Variants in SUSD2 observed in about 807,000 individuals in gnomAD.
SUSD2 encodes sushi domain containing 2, also known as sushi domain-containing protein 2.
A neutral mutation model predicts 93.8 loss-of-function variants in SUSD2; 86 were observed. The observed-to-expected ratio is 0.92, with a 90% CI of 0.77 to 1.10. The LOEUF is 1.10. SUSD2 is among the 50% of genes least tolerant of loss of function. The pLI is 0.00. For missense variants in SUSD2, 1,060 were observed against 1,137.0 expected (o/e 0.93, Z 0.97); for synonymous variants, 483 against 485.0 (o/e 1.00, Z 0.05).
chr22:24,188,415 C>T lies in SUSD2; in HGVS notation c.2448C>T (p.His816=), dbSNP rs773560751. The part of the protein sequence containing the change: ...VLLRRRKGNT[H]VWGAQP ...TCTAACTGCGTTTCTGTTGCAGGCA[C>T]GTCTGGGGTGCACAGCCCTGATGGG... Residue 816 remains histidine (H), a synonymous_variant, in exon 15 of 15, where the codon CAC becomes CAT. Coordinates refer to ENST00000358321, the MANE Select transcript of SUSD2 (RefSeq NM_019601.4). This position sits in a 1 kb window ranked among gnomAD's most constrained non-coding sequence, Gnocchi z 4.7. 2.1e-5 allele frequency: 34 copies of T among 1,611,250 alleles called. No individual in the cohort carries two copies. Among genetic ancestry groups the T allele is most frequent in the African/African-American group, 1.3e-4 (10 of 74,860 alleles).
rs753229163 is a variant in SUSD2, at chr22:24,187,422, C to A, written c.1863C>A (p.Pro621=). ...GCGTCCTGCCCCCAGGCACCAGTCC[C>A]CAGGAGCTGTTCCTGTTTGGGGCCA... ...SGRVLPPGTS[P]QELFLFGANW... is the part of the protein sequence containing the mutation. Residue 621 remains proline, a synonymous_variant, in exon 11 of 15, where the codon CCC becomes CCA. Coordinates refer to ENST00000358321, the MANE Select transcript of SUSD2 (RefSeq NM_019601.4). 6.2e-7 allele frequency: 1 copy of A among 1,613,388 alleles called. No individual in the cohort carries two copies. Among genetic ancestry groups the A allele is most frequent in the Non-Finnish European group, 8.5e-7 (1 of 1,179,996 alleles).
intron 1 of SUSD2, 120 bp from the exon 2 acceptor site, chr22:24,182,937 C>G: frequency 1.2e-6 from 1 of 803,538 alleles, no homozygotes; most frequent in Non-Finnish European, 2.0e-6. Flanking sequence ...AGTTCCTGGC[C>G]AGCGTTCTCC....
intron 4 of SUSD2, 100 bp downstream of exon 4, chr22:24,184,403 G>A (rs1267417453): frequency 6.9e-6 from 9 of 1,311,432 alleles, no homozygotes; most frequent in Non-Finnish European, 9.4e-6. Context: ...GAGTTTCCAG[G>A]TGGGGTTGAG....
In SUSD2 at chr22:24,185,146, G is replaced by T. The variant is rs763053320; in HGVS notation, c.835G>T (p.Asp279Tyr). ...CCACGCACTGGCCTGGCACCTGAGC[G>T]ATGACTTCCGAGAGGACCCTGTGGC... ...NDHALAWHLS[D>Y]DFREDPVAWA... Residue 279 changes from aspartate (D) to tyrosine (Y), a missense_variant, in exon 6 of 15, where the codon GAT (aspartate) becomes TAT (tyrosine). Around this residue, in one of 2 missense-constraint regions of SUSD2, gnomAD observed 973 missense variants for 1,005.3 expected, o/e 0.97. Transcript: ENST00000358321. 6.2e-7 allele frequency: 1 copy of T among 1,612,730 alleles called. No individual in the cohort carries two copies. Among genetic ancestry groups the T allele is most frequent in the South Asian group, 1.1e-5 (1 of 91,078 alleles).
chr22:24,183,351 G>A, intron 2 of SUSD2, 84 bp downstream of exon 2: 1 of 1,547,380 alleles, frequency 6.5e-7, no homozygotes, highest in Non-Finnish European at 8.8e-7. Flanking sequence ...CTGACTGGCT[G>A]AGTGGAGCCC....
rs762302318 is a variant in SUSD2 at position 24,183,216 on chromosome 22, T to C, written c.236T>C (p.Val79Ala). The change falls in exon 2 of 15, where the codon GTG (valine) becomes GCG (alanine). Residue 79 changes from valine (V) to alanine (A), a missense_variant. This residue lies in a region of SUSD2 where 87 missense variants were observed against 131.6 expected (regional missense o/e 0.66). Coordinates refer to ENST00000358321, the MANE Select transcript of SUSD2 (RefSeq NM_019601.4). ...SGSMMGGKDF[V>A]VRHFKMSSPT... is the part of the protein sequence containing the mutation. ...TCCATGATGGGCGGCAAGGACTTTG[T>C]GGTGCGGCACTTCAAGATGTCCAGC... The C allele has an allele frequency of 6.2e-7, 1 of 1,613,910 alleles. No individual in the cohort carries two copies. Among genetic ancestry groups the C allele is most frequent in the South Asian group, 1.1e-5 (1 of 91,074 alleles).
chr22:24,185,954 C>A, intron 8 of SUSD2, 25 bp downstream of exon 8: 2 of 1,573,190 alleles, frequency 1.3e-6, no homozygotes, highest in Middle Eastern at 1.7e-4. Context: ...GTGCCCCAGA[C>A]CCTGGGAAAG....
rs979288015 is a variant in SUSD2 at position 24,186,589 on chromosome 22, G to A, written c.1642+174G>A. 21 of 729,512 alleles carry A rather than the reference G, an allele frequency of 2.9e-5. No individual in the cohort carries two copies. In the Middle Eastern group the frequency reaches 1.2e-3, roughly 41 times the overall value. 45.2% of individuals were successfully genotyped at this position (729,512 alleles called of 1,614,324 possible). A position where few individuals can be genotyped will look rare whatever the true frequency, so the allele number is the denominator to read the frequency against. On this transcript the variant is annotated intron_variant, in intron 10 of 14. Transcript: ENST00000358321. ...GAGGTGCCCCCGTCGTACCCACCTG[G>A]TCAAAAGCCGAGAGGCCGTGACGGT...
intron 9 of SUSD2, 46 bp from the exon 10 acceptor site, chr22:24,186,211 G>C: frequency 6.2e-7 from 1 of 1,610,184 alleles, no homozygotes. Flanking sequence ...GAACCAAGGT[G>C]GGAGGCTGGA....
In SUSD2 at chr22:24,185,688, C is replaced by G. The variant is rs1355219318; in HGVS notation, c.1098C>G (p.Cys366Trp). The G allele has an allele frequency of 6.2e-7, 1 of 1,610,906 alleles. No homozygotes were observed. The highest frequency in any genetic ancestry group is 8.5e-7 in the Non-Finnish European group (1 of 1,179,278). Reference sequence around the variant, plus strand: ...TCCGGTACGGCTCAGGTCAGCAGTGCTGCTACACAGCGGACGGGACGCAGC... The same window carrying G: ...TCCGGTACGGCTCAGGTCAGCAGTGGTGCTACACAGCGGACGGGACGCAGC... The part of the protein sequence containing the change: ...ASLRYGSGQQ[C>W]CYTADGTQLL... Residue 366 changes from cysteine (C) to tryptophan (W), a missense_variant, in exon 8 of 15, where the codon TGC (cysteine) becomes TGG (tryptophan). By Grantham distance (215) the Cys-to-Trp change is radical (BLOSUM62 -2). Coordinates refer to ENST00000358321, the MANE Select transcript of SUSD2 (RefSeq NM_019601.4).
chr22:24,183,623 C>T lies in SUSD2; in HGVS notation c.416C>T (p.Pro139Leu). Reference protein sequence around the residue: ...TVSLDNGHSFPRAGTWLAVHP... With the variant: ...TVSLDNGHSFLRAGTWLAVHP... ...TCACTGGACAACGGCCACTCCTTCC[C>T]TCGTGCGGGCACCTGGCTGGCTGGT... The change falls in exon 3 of 15, where the codon CCT becomes CTT. Residue 139 changes from proline (P) to leucine (L), a missense_variant. Pro to Leu is a moderately conservative substitution (Grantham distance 98). Transcript: ENST00000358321. 1 of 1,612,450 alleles carries T rather than the reference C, an allele frequency of 6.2e-7. No homozygotes were observed. Among genetic ancestry groups the T allele is most frequent in the Non-Finnish European group, 8.5e-7 (1 of 1,179,966 alleles).
rs772062351 is a variant in SUSD2, at chr22:24,187,392, C to T, written c.1833C>T (p.Ser611=). The change falls in exon 11 of 15, where the codon AGC becomes AGT. Residue 611 remains serine, a synonymous_variant. Transcript: ENST00000358321. Reference sequence around the variant, plus strand: ...CCACCGACGACTTCACCCTGCACAGCGGGCGCGTCCTGCCCCCAGGCACCA... The same window carrying T: ...CCACCGACGACTTCACCCTGCACAGTGGGCGCGTCCTGCCCCCAGGCACCA... ...NDPTDDFTLH[S]GRVLPPGTSP... is the part of the protein sequence containing the mutation. 22 of 1,613,644 alleles carry T rather than the reference C, an allele frequency of 1.4e-5. No homozygotes were observed. The highest frequency in any genetic ancestry group is 6.7e-5 in the East Asian group (3 of 44,878).
rs936971496 is a variant in SUSD2, at chr22:24,187,566, TCCAGGGA to T, written c.1892-2_1896del. 1 of 1,608,920 alleles carries T rather than the reference TCCAGGGA, an allele frequency of 6.2e-7. No individual in the cohort carries two copies. Among genetic ancestry groups the T allele is most frequent in the African/African-American group, 1.3e-5 (1 of 74,800 alleles). On this transcript the variant is annotated splice_acceptor_variant and splice_polypyrimidine_tract_variant and coding_sequence_variant and intron_variant, in exon 12 of 15. Coordinates refer to ENST00000358321, the MANE Select transcript of SUSD2 (RefSeq NM_019601.4). LOFTEE classifies it high-confidence loss of function. The stretch of plus-strand genomic sequence containing the variant: ...CCAGCCAGGCCCCGGTCATGTATCT[TCCAGGGA>T]CCGTGCACAATGCGTCCTCCCTGCT...
intron 1 of SUSD2, chr22:24,182,641 G>A (rs1256639720): frequency 1.0e-5 from 2 of 195,642 alleles, no homozygotes; most frequent in Non-Finnish European, 2.1e-5. Flanking sequence ...GCCCCCAGAA[G>A]GCGTGCTGAC....
Position 24,183,157 on chromosome 22 carries a change from G to A in SUSD2, c.177G>A (p.Arg59=), listed in dbSNP as rs1216216608. ...TTGGCACCTGCTGCTTGGATTTCCGGGACTTCTGCCTGGAGATATTGCCCT... is the reference window on the plus strand; with the variant it reads ...TTGGCACCTGCTGCTTGGATTTCCGAGACTTCTGCCTGGAGATATTGCCCT... ...SGLGTCCLDF[R]DFCLEILPYS... Residue 59 remains arginine, a synonymous_variant, in exon 2 of 15, where the codon CGG becomes CGA. Transcript: ENST00000358321. The A allele has an allele frequency of 1.2e-6, 2 of 1,614,048 alleles. No individual in the cohort carries two copies. Among genetic ancestry groups the A allele is most frequent in the Non-Finnish European group, 1.7e-6 (2 of 1,179,886 alleles).
At position 24,187,711 on chromosome 22, in the gene SUSD2, G is replaced by A; in HGVS notation, c.2032G>A (p.Glu678Lys). The change falls in exon 12 of 15, where the codon GAG becomes AAG. Residue 678 changes from glutamate (E) to lysine (K), a missense_variant. Coordinates refer to ENST00000358321, the MANE Select transcript of SUSD2 (RefSeq NM_019601.4). The part of the protein sequence containing the change: ...ETTLNPSLAQ[E>K]AAKLCGDDHF... Reference sequence around the variant, plus strand: ...CACCCTCAACCCCAGCCTGGCACAAGAGGCAGCCAAACTATGTGGGGACGA... The same window carrying A: ...CACCCTCAACCCCAGCCTGGCACAAAAGGCAGCCAAACTATGTGGGGACGA... 6.2e-7 allele frequency: 1 copy of A among 1,614,092 alleles called. No individual in the cohort carries two copies. The highest frequency in any genetic ancestry group is 2.2e-5 in the East Asian group (1 of 44,878).
chr22:24,186,146 G>A lies in SUSD2; in HGVS notation c.1470G>A (p.Gly490=). ...GGGTGCAGGCGCGGGCCCAGCCCGG[G>A]ACGATGTCCAACGGTGAGGCCAGGG... ...DLRVQARAQP[G]TMSNGTETRG... Residue 490 remains glycine (G), a synonymous_variant, in exon 9 of 15, where the codon GGG becomes GGA. Coordinates refer to ENST00000358321, the MANE Select transcript of SUSD2 (RefSeq NM_019601.4). 4 of 1,610,012 alleles carry A rather than the reference G, an allele frequency of 2.5e-6. No individual in the cohort carries two copies. The highest frequency in any genetic ancestry group is 3.4e-6 in the Non-Finnish European group (4 of 1,178,286).
rs141759016 is a variant in SUSD2, at chr22:24,187,397, G to A, written c.1838G>A (p.Arg613His). The change falls in exon 11 of 15, where the codon CGC becomes CAC. Residue 613 changes from arginine (R) to histidine (H), a missense_variant. Arg to His is a conservative substitution (Grantham distance 29, BLOSUM62 0). Coordinates refer to ENST00000358321, the MANE Select transcript of SUSD2 (RefSeq NM_019601.4). ...PTDDFTLHSG[R>H]VLPPGTSPQE... ...GACGACTTCACCCTGCACAGCGGGC[G>A]CGTCCTGCCCCCAGGCACCAGTCCC... 1.9e-4 allele frequency: 306 copies of A among 1,613,526 alleles called. 3 individuals carry two copies. Among genetic ancestry groups the A allele is most frequent in the South Asian group, 8.6e-4 (78 of 91,080 alleles).
rs140342933 is a variant in SUSD2 at position 24,187,698 on chromosome 22, C to T, written c.2019C>T (p.Pro673=). The T allele has an allele frequency of 3.0e-4, 490 of 1,614,136 alleles. 1 individual carries two copies. In the African/African-American group the frequency reaches 6.2e-3, roughly 20 times the overall value. The change falls in exon 12 of 15, where the codon CCC becomes CCT. Residue 673 remains proline (P), a synonymous_variant. Transcript: ENST00000358321. ...TCCCCAGTGAGACCACCCTCAACCC[C>T]AGCCTGGCACAAGAGGCAGCCAAAC... ...PLFPSETTLN[P]SLAQEAAKLC... is the part of the protein sequence containing the mutation.
Sources: allele counts gnomAD v4.1 joint callset, GRCh38; gene constraint gnomAD v4.1.1; regional missense constraint gnomAD v4.1.1; non-coding constraint Gnocchi (gnomAD v3.1); transcripts MANE v1.5; gene names NCBI Gene and HGNC (gene_info 2026-07-23, HGNC 2026-07-21).